Variants in NOPCHAP1 observed in about 807,000 individuals in gnomAD.
NOPCHAP1 encodes the protein NOP protein chaperone 1.
A neutral mutation model predicts 14.0 loss-of-function variants in NOPCHAP1; 13 were observed. The ratio of observed to expected loss-of-function variants is 0.93; its 90% CI spans 0.60 to 1.47. NOPCHAP1 has a LOEUF of 1.47. Among genes scored for constraint, NOPCHAP1 ranks in the 40% most tolerant of loss-of-function variants. The pLI is 0.00. For missense variants in NOPCHAP1, 230 were observed against 226.9 expected (o/e 1.01, Z -0.09); for synonymous variants, 78 against 78.4 (o/e 1.00, Z 0.03).
In NOPCHAP1 at chr12:105,006,847, G is replaced by C. The variant is rs932998183; in HGVS notation, c.*12151G>C. The C allele has an allele frequency of 2.6e-5, 4 of 151,876 alleles. No individual in the cohort carries two copies. The highest frequency in any genetic ancestry group is 9.7e-5 in the African/African-American group (4 of 41,336). 9.4% of individuals were successfully genotyped at this position (151,876 alleles called of 1,614,324 possible). On this transcript the variant is annotated 3_prime_UTR_variant, in exon 4 of 4. Transcript: ENST00000552951. ...TATATAGGTATTTTGTGTGTCATAG[G>C]GGTTTGGTGTGCAGATTATTTCGTT...
intron 3 of NOPCHAP1, among the ~76,000 whole-genome samples, chr12:104,994,016 A>G (rs1470793826): frequency 6.6e-6 from 1 of 152,178 alleles, no homozygotes; most frequent in Non-Finnish European, 1.5e-5. Context: ...CTGGTAACTA[A>G]AAATATAAAA....
chr12:104,997,904 T>A lies in NOPCHAP1; in HGVS notation c.*3208T>A, dbSNP rs1230248195. The A allele has an allele frequency of 5.3e-5, 8 of 152,262 alleles. No homozygotes were observed. The highest frequency in any genetic ancestry group is 1.2e-4 in the Non-Finnish European group (8 of 68,044). The allele number at this position is 152,262 out of a possible 1,614,324, so 9.4% of individuals were successfully genotyped here. Reference sequence around the variant, plus strand: ...GAAGTTTTGTCCATTCTTTATTGTTTTTTTTCTCCAATAAAGAAAAAGATG... The same window carrying A: ...GAAGTTTTGTCCATTCTTTATTGTTATTTTTCTCCAATAAAGAAAAAGATG... On this transcript the variant is annotated 3_prime_UTR_variant, in exon 4 of 4. Transcript: ENST00000552951.
chr12:104,991,576 T>G, intron 2 of NOPCHAP1, 136 bp from the exon 3 acceptor site: 2 of 873,604 alleles, frequency 2.3e-6, no homozygotes, highest in Non-Finnish European at 3.3e-6. Flanking sequence ...GATGGAGGGT[T>G]TTTAAATGAA....
rs1022402641 is a variant in NOPCHAP1, at chr12:104,999,284, G to A, written c.*4588G>A. ...AGGTGCCATGGGGGAGTCTGCAGTG[G>A]GAGGAGAGAGTGGGATCAGGTGGTC... On this transcript the variant is annotated 3_prime_UTR_variant, in exon 4 of 4. Transcript: ENST00000552951. The A allele has an allele frequency of 6.5e-6, 1 of 152,744 alleles. No individual in the cohort carries two copies. Among genetic ancestry groups the A allele is most frequent in the African/African-American group, 2.4e-5 (1 of 41,430 alleles). 9.5% of individuals were successfully genotyped at this position (152,744 alleles called of 1,614,324 possible).
intron 2 of NOPCHAP1, among the ~76,000 whole-genome samples, chr12:104,989,854 T>G (rs1415906681): frequency 6.6e-6 from 1 of 152,206 alleles, no homozygotes; most frequent in Admixed American, 6.5e-5. Context: ...TTCGTTGAGT[T>G]CACTATTCTT....
rs535611780 is a variant in NOPCHAP1, at chr12:104,991,900, A to G, written c.339+52A>G. On this transcript the variant is annotated intron_variant, in intron 3 of 3. Transcript: ENST00000552951. Reference sequence around the variant, plus strand: ...GAAATTACTGGTCTGCCTGTCACCTAAGAAGAAGAGAACTTTTCCATTTTA... The same window carrying G: ...GAAATTACTGGTCTGCCTGTCACCTGAGAAGAAGAGAACTTTTCCATTTTA... 121 of 1,535,352 alleles carry G rather than the reference A, an allele frequency of 7.9e-5. 1 individual carries two copies. In the East Asian group the frequency reaches 2.6e-3, roughly 32 times the overall value.
rs1198669952 is a variant in NOPCHAP1, at chr12:105,013,875, G to A, written c.*19179G>A. 1 of 152,516 alleles carries A rather than the reference G, an allele frequency of 6.6e-6. No homozygotes were observed. The highest frequency in any genetic ancestry group is 1.5e-5 in the Non-Finnish European group (1 of 68,336). The allele number at this position is 152,516 out of a possible 1,614,324, so 9.4% of individuals were successfully genotyped here. ...CCCACTGTCTAACCAGTCCCAATGA[G>A]GTGAGCTGGGTACCTCAGTTGGAAA... is the stretch of plus-strand genomic sequence containing the variant. On this transcript the variant is annotated 3_prime_UTR_variant, in exon 4 of 4. Coordinates refer to ENST00000552951, the MANE Select transcript of NOPCHAP1 (RefSeq NM_152318.3).
Position 104,995,053 on chromosome 12 carries a change from A to G in NOPCHAP1, c.*357A>G, listed in dbSNP as rs186465784. ...CCTGATGTCCCATAGGTATGGTCTG[A>G]TCTAAGGAGATCTAAGGCTGCCTTG... On this transcript the variant is annotated 3_prime_UTR_variant, in exon 4 of 4. Transcript: ENST00000552951. 3.9e-6 allele frequency: 1 copy of G among 256,646 alleles called. No individual in the cohort carries two copies. The highest frequency in any genetic ancestry group is 5.5e-5 in the Admixed American group (1 of 18,132). The allele number at this position is 256,646 out of a possible 1,614,324, so 15.9% of individuals were successfully genotyped here. A position where few individuals can be genotyped will look rare whatever the true frequency, so the allele number is the denominator to read the frequency against.
At position 105,016,699 on chromosome 12, in the gene NOPCHAP1, C is replaced by A. The variant is rs1181919475; in HGVS notation, c.*22003C>A. 1 of 152,116 alleles carries A rather than the reference C, an allele frequency of 6.6e-6. No individual in the cohort carries two copies. Among genetic ancestry groups the A allele is most frequent in the African/African-American group, 2.4e-5 (1 of 41,400 alleles). The allele number at this position is 152,116 out of a possible 1,614,324, so 9.4% of individuals were successfully genotyped here. On this transcript the variant is annotated 3_prime_UTR_variant, in exon 4 of 4. Coordinates refer to ENST00000552951, the MANE Select transcript of NOPCHAP1 (RefSeq NM_152318.3). ...GAGAACAGCATAGGAAAGACCCGCC[C>A]CGATGATTCAGTTACCTCCCACCAG...
rs567271285 is a variant in NOPCHAP1, at chr12:105,013,810, A to G, written c.*19114A>G. 20 of 152,464 alleles carry G rather than the reference A, an allele frequency of 1.3e-4. No homozygotes were observed. Among genetic ancestry groups the G allele is most frequent in the African/African-American group, 4.8e-4 (20 of 41,538 alleles). 9.4% of individuals were successfully genotyped at this position (152,464 alleles called of 1,614,324 possible). On this transcript the variant is annotated 3_prime_UTR_variant, in exon 4 of 4. Transcript: ENST00000552951. ...ACGCTTTGTGCTTCCCAGGTGAGGCAACACCCCACCCTTCTTCTGCTCCCC... is the reference window on the plus strand; with the variant it reads ...ACGCTTTGTGCTTCCCAGGTGAGGCGACACCCCACCCTTCTTCTGCTCCCC...
rs1873962356 is a variant in NOPCHAP1 at position 105,017,099 on chromosome 12, C to G, written c.*22403C>G. ...ATCTCATTCTGAATAAATCTCCCAT[C>G]TGTTCCAATAACATTTTAATTGCGC... On this transcript the variant is annotated 3_prime_UTR_variant, in exon 4 of 4. Coordinates refer to ENST00000552951, the MANE Select transcript of NOPCHAP1 (RefSeq NM_152318.3). 1 of 152,216 alleles carries G rather than the reference C, an allele frequency of 6.6e-6. No individual in the cohort carries two copies. Among genetic ancestry groups the G allele is most frequent in the South Asian group, 2.1e-4 (1 of 4,836 alleles). 9.4% of individuals were successfully genotyped at this position (152,216 alleles called of 1,614,324 possible). A position where few individuals can be genotyped will look rare whatever the true frequency, so the allele number is the denominator to read the frequency against.
At chr12:104,988,549 T>C (rs139520875) in intron 2 of NOPCHAP1, among the ~76,000 whole-genome samples, 1 of 152,344 alleles carries the variant, frequency 6.6e-6, no homozygotes, top group Non-Finnish European at 1.5e-5. Context: ...AGCCTCAAAC[T>C]TAATATATAT....
Position 104,998,949 on chromosome 12 carries a change from A to C in NOPCHAP1, c.*4253A>C, listed in dbSNP as rs201543758. ...ACTGGTGGCTGCGGGACTGGTGCCA[A>C]ATGTGCGCACGTTTATGCTGGCTGC... On this transcript the variant is annotated 3_prime_UTR_variant, in exon 4 of 4. Transcript: ENST00000552951. 1 of 152,736 alleles carries C rather than the reference A, an allele frequency of 6.5e-6. No homozygotes were observed. The highest frequency in any genetic ancestry group is 1.5e-5 in the Non-Finnish European group (1 of 68,504). The allele number at this position is 152,736 out of a possible 1,614,324, so 9.5% of individuals were successfully genotyped here. A position where few individuals can be genotyped will look rare whatever the true frequency, so the allele number is the denominator to read the frequency against.
Position 105,004,901 on chromosome 12 carries a change from A to G in NOPCHAP1, c.*10205A>G, listed in dbSNP as rs1873677060. ...ACATATTGTATATGTTATATGTATT[A>G]TATATTGTATTTTTACAATAAAGTA... is the stretch of plus-strand genomic sequence containing the variant. On this transcript the variant is annotated 3_prime_UTR_variant, in exon 4 of 4. Coordinates refer to ENST00000552951, the MANE Select transcript of NOPCHAP1 (RefSeq NM_152318.3). 1 of 152,246 alleles carries G rather than the reference A, an allele frequency of 6.6e-6. No individual in the cohort carries two copies. 9.4% of individuals were successfully genotyped at this position (152,246 alleles called of 1,614,324 possible).
intron 2 of NOPCHAP1, among the ~76,000 whole-genome samples, chr12:104,989,100 T>C (rs76761477): frequency 0.068 from 10,272 of 152,006 alleles, 484 homozygotes; most frequent in East Asian, 0.19. Context: ...CTAACCAAAA[T>C]GTGGTATGGC....
In NOPCHAP1 at chr12:104,994,506, C is replaced by A; in HGVS notation, c.368C>A (p.Ser123Ter). 1 of 1,613,836 alleles carries A rather than the reference C, an allele frequency of 6.2e-7. No individual in the cohort carries two copies. The highest frequency in any genetic ancestry group is 1.1e-5 in the South Asian group (1 of 90,970). The change falls in exon 4 of 4, where the codon TCG (serine) becomes TAG (stop). Residue 123 changes from serine to a stop codon, truncating the protein, a stop_gained. Coordinates refer to ENST00000552951, the MANE Select transcript of NOPCHAP1 (RefSeq NM_152318.3). LOFTEE classifies it low-confidence loss of function (END_TRUNC). ...MDVALFEMNQ[S>*]DSKEVDSSEE... ...GTGGCTTTGTTTGAGATGAATCAGT[C>A]GGATTCAAAAGAAGTGGACAGTTCA...
In NOPCHAP1 at chr12:104,986,442, G is replaced by A. The variant is rs760720058; in HGVS notation, c.90G>A (p.Leu30=). 11 of 1,606,942 alleles carry A rather than the reference G, an allele frequency of 6.8e-6. No homozygotes were observed. The highest frequency in any genetic ancestry group is 1.3e-5 in the African/African-American group (1 of 74,638). The change falls in exon 1 of 4, where the codon CTG becomes CTA. Residue 30 remains leucine (L), a synonymous_variant. Coordinates refer to ENST00000552951, the MANE Select transcript of NOPCHAP1 (RefSeq NM_152318.3). ...GAGTCCCAGTGTCCAAGGAGCTGCT[G>A]ACGGCGGGAAGCGACGGCCGCGGAG... is the stretch of plus-strand genomic sequence containing the variant. The part of the protein sequence containing the change: ...SSGVPVSKEL[L]TAGSDGRGGI...
chr12:105,016,136 T>C lies in NOPCHAP1; in HGVS notation c.*21440T>C, dbSNP rs1215358407. 1 of 152,126 alleles carries C rather than the reference T, an allele frequency of 6.6e-6. No individual in the cohort carries two copies. Among genetic ancestry groups the C allele is most frequent in the Admixed American group, 6.5e-5 (1 of 15,280 alleles). The allele number at this position is 152,126 out of a possible 1,614,324, so 9.4% of individuals were successfully genotyped here. ...AATACTGGGGAAAATATCTGAAACATGACAGAGTGTCATTAATATATCATG... is the reference window on the plus strand; with the variant it reads ...AATACTGGGGAAAATATCTGAAACACGACAGAGTGTCATTAATATATCATG... On this transcript the variant is annotated 3_prime_UTR_variant, in exon 4 of 4. Coordinates refer to ENST00000552951, the MANE Select transcript of NOPCHAP1 (RefSeq NM_152318.3).
Position 105,002,050 on chromosome 12 carries a change from G to T in NOPCHAP1, c.*7354G>T, listed in dbSNP as rs573291857. On this transcript the variant is annotated 3_prime_UTR_variant, in exon 4 of 4. Coordinates refer to ENST00000552951, the MANE Select transcript of NOPCHAP1 (RefSeq NM_152318.3). ...CTCATTCTAGTGGGGAAATAGTATG[G>T]CCCCAAGGAAGGAGGCTTACTGGTA... 6.6e-6 allele frequency: 1 copy of T among 152,252 alleles called. No homozygotes were observed. The highest frequency in any genetic ancestry group is 2.4e-5 in the African/African-American group (1 of 41,542). The allele number at this position is 152,252 out of a possible 1,614,324, so 9.4% of individuals were successfully genotyped here.
Sources: gnomAD v4.1 joint callset for allele counts (sites outside exome capture counted in the v4.1 genomes callset) on GRCh38, gnomAD v4.1.1 for gene constraint, MANE v1.5 for transcripts, NCBI Gene and HGNC (gene_info 2026-07-23, HGNC 2026-07-21) for gene names.